TSGA13: variants seen among roughly 807,000 people sequenced by gnomAD.
TSGA13 encodes the protein testis specific 13, also known as testis-specific gene 13 protein.
TSGA13 carries 37 observed loss-of-function variants against 35.1 expected under a neutral mutation model. That is an observed-to-expected ratio of 1.05 (90% CI 0.81 to 1.39). The LOEUF is 1.39. Among genes scored for constraint, TSGA13 ranks in the 40% most tolerant of loss-of-function variants. The pLI is 0.00. For missense variants in TSGA13, 338 were observed against 328.5 expected (o/e 1.03, Z -0.22); for synonymous variants, 124 against 121.2 (o/e 1.02, Z -0.15).
In TSGA13 at chr7:130,680,992, T is replaced by G. The variant is rs535861439; in HGVS notation, c.128A>C (p.Lys43Thr). Reference sequence around the variant, plus strand: ...ATGCCGAAGGTTCTCTAGAACAAATTTTGATTGCCCGACTGCATCAGAAAT... The same window carrying G: ...ATGCCGAAGGTTCTCTAGAACAAATGTTGATTGCCCGACTGCATCAGAAAT... The part of the protein sequence containing the change: ...KEISDAVGQS[K>T]FVLENLRHYT... Residue 43 changes from lysine to threonine, a missense_variant, in exon 4 of 8, where the codon AAA (lysine) becomes ACA (threonine). Transcript: ENST00000356588. 8 of 1,614,188 alleles carry G rather than the reference T, an allele frequency of 5.0e-6. No homozygotes were observed. The African/African-American group carries it at 1.1e-4, about 22-fold the overall frequency.
Position 130,668,864 on chromosome 7 carries a change from CG to C in TSGA13, c.*149del. ...GCAGCCACGCCCCCTTCTCCTCTTG[CG>C]GCCCGCCGGAGACTTCGGCTCGACC... is the stretch of plus-strand genomic sequence containing the variant. On this transcript the variant is annotated 3_prime_UTR_variant, in exon 8 of 8. Coordinates refer to ENST00000356588, the MANE Select transcript of TSGA13 (RefSeq NM_052933.4). 1 of 1,361,526 alleles carries C rather than the reference CG, an allele frequency of 7.3e-7. No individual in the cohort carries two copies. The highest frequency in any genetic ancestry group is 1.5e-5 in the African/African-American group (1 of 66,814). The allele number at this position is 1,361,526 out of a possible 1,614,324, so 84.3% of individuals were successfully genotyped here. A position where few individuals can be genotyped will look rare whatever the true frequency, so the allele number is the denominator to read the frequency against.
At chr7:130,678,241 T>C (rs1213554184) in intron 5 of TSGA13, among the ~76,000 whole-genome samples, 1 of 152,088 alleles carries the variant, frequency 6.6e-6, no homozygotes, top group Non-Finnish European at 1.5e-5. Context: ...TAGCTGGGCG[T>C]GGTGGTGGGC....
chr7:130,674,134 G>T (rs868959962), intron 5 of TSGA13, among the ~76,000 whole-genome samples: 3 of 149,568 alleles, frequency 2.0e-5, no homozygotes, highest in African/African-American at 7.3e-5. Flanking sequence ...TCAATTCTGA[G>T]AGCCTTCTTC....
At chr7:130,679,403 G>A (rs1554464738) in intron 4 of TSGA13, 36 bp from the exon 5 acceptor site, 2 of 1,554,406 alleles carry the variant, frequency 1.3e-6, no homozygotes, top group Admixed American at 1.9e-5. Flanking sequence ...GAGAAAAAGA[G>A]ATTAGGCCAA....
rs781887243 is a variant in TSGA13 at position 130,671,792 on chromosome 7, A to G, written c.531-4T>C. ...GAAATCATTGTCAGTGGAAAACCTTAACAAAGAAAGTTCTTTGTTTAGTAG... is the reference window on the plus strand; with the variant it reads ...GAAATCATTGTCAGTGGAAAACCTTGACAAAGAAAGTTCTTTGTTTAGTAG... On this transcript the variant is annotated splice_region_variant and splice_polypyrimidine_tract_variant and intron_variant, in intron 6 of 7. Transcript: ENST00000356588. 1 of 1,574,064 alleles carries G rather than the reference A, an allele frequency of 6.4e-7. No individual in the cohort carries two copies. Among genetic ancestry groups the G allele is most frequent in the South Asian group, 1.2e-5 (1 of 85,370 alleles).
chr7:130,676,800 CTTTG>C (rs557510962), intron 5 of TSGA13, among the ~76,000 whole-genome samples: 97 of 152,258 alleles, frequency 6.4e-4, no homozygotes, highest in Admixed American at 3.7e-3. Flanking sequence ...TACTAGAATC[CTTTG>C]TTTGCACTTT....
rs782027840 is a variant in TSGA13, at chr7:130,671,711, T to C, written c.608A>G (p.Tyr203Cys). 2.5e-6 allele frequency: 4 copies of C among 1,610,660 alleles called. No individual in the cohort carries two copies. In the African/African-American group the frequency reaches 5.3e-5, roughly 22 times the overall value. The change falls in exon 7 of 8, where the codon TAC becomes TGC. Residue 203 changes from tyrosine (Y) to cysteine (C), a missense_variant. By Grantham distance (194) the Tyr-to-Cys change is radical. Transcript: ENST00000356588. ...VYALRTQKKM[Y>C]PQLTFAPVHE... Reference sequence around the variant, plus strand: ...GACTGGAGCAAAGGTGAGCTGAGGGTACATTTTCTTCTGTGTCCTCAAAGC... The same window carrying C: ...GACTGGAGCAAAGGTGAGCTGAGGGCACATTTTCTTCTGTGTCCTCAAAGC...
Position 130,683,012 on chromosome 7 carries a change from G to A in TSGA13, c.102+582C>T, listed in dbSNP as rs782685980. The stretch of plus-strand genomic sequence containing the variant: ...TAGGAAAAACTTATTTGGGAGAAAG[G>A]TATGAAGACCTTTTCTCTTACAGGT... On this transcript the variant is annotated intron_variant, in intron 3 of 7. Coordinates refer to ENST00000356588, the MANE Select transcript of TSGA13 (RefSeq NM_052933.4). 2.0e-4 allele frequency among the ~76,000 whole-genome samples: 31 copies of A among 152,258 alleles called. No homozygotes were observed. In the Middle Eastern group the frequency reaches 0.01, roughly 50 times the overall value.
At chr7:130,681,987 T>C (rs1317821824) in intron 3 of TSGA13, among the ~76,000 whole-genome samples, 2 of 152,042 alleles carry the variant, frequency 1.3e-5, no homozygotes, top group Non-Finnish European at 2.9e-5. Flanking sequence ...TCCCCCAGGC[T>C]GGAGGGCATT....
At chr7:130,680,818 G>T in intron 4 of TSGA13, 128 bp downstream of exon 4, 1 of 847,750 alleles carries the variant, frequency 1.2e-6, no homozygotes, top group Non-Finnish European at 1.9e-6. Flanking sequence ...CTGCCTGCCT[G>T]TCCTAAGAGT....
chr7:130,687,203 C>T (rs1352110445), upstream of TSGA13: 1 of 152,206 alleles, frequency 6.6e-6, no homozygotes, highest in Non-Finnish European at 1.5e-5. Flanking sequence ...TATGTTACTA[C>T]TCAGGTCATT....
chr7:130,683,456 C>A, intron 3 of TSGA13, 138 bp downstream of exon 3: 2 of 678,358 alleles, frequency 2.9e-6, no homozygotes, highest in Non-Finnish European at 2.4e-6. Context: ...TAACATTTGA[C>A]AAGTTAACCT....
chr7:130,679,255 A>T lies in TSGA13; in HGVS notation c.287T>A (p.Leu96Ter). 6.2e-7 allele frequency: 1 copy of T among 1,614,164 alleles called. No homozygotes were observed. Among genetic ancestry groups the T allele is most frequent in the Non-Finnish European group, 8.5e-7 (1 of 1,180,030 alleles). Reference sequence around the variant, plus strand: ...AGGTGGGTTGTTGGTCATAATCAGTAACGTCTTATCCTGGTCATACTGTGT... The same window carrying T: ...AGGTGGGTTGTTGGTCATAATCAGTTACGTCTTATCCTGGTCATACTGTGT... ...KVTQYDQDKT[L>*]LIMTNNPPPC... The change falls in exon 5 of 8, where the codon TTA becomes TAA. Residue 96 changes from leucine (L) to a stop codon, truncating the protein, a stop_gained. Transcript: ENST00000356588. LOFTEE classifies it high-confidence loss of function.
intron 7 of TSGA13, among the ~76,000 whole-genome samples, 189 bp from the exon 8 acceptor site, chr7:130,669,372 C>T (rs1296003074): frequency 5.3e-5 from 8 of 152,148 alleles, no homozygotes; most frequent in Admixed American, 5.2e-4. Flanking sequence ...TCATCAAAAC[C>T]CAGTGGAAAA....
At position 130,668,815 on chromosome 7, in the gene TSGA13, C is replaced by T. The variant is rs978297074; in HGVS notation, c.*199G>A. On this transcript the variant is annotated 3_prime_UTR_variant, in exon 8 of 8. Coordinates refer to ENST00000356588, the MANE Select transcript of TSGA13 (RefSeq NM_052933.4). ...CACTCGGGGCCAAGGCCCGCCCTCCCCGGCCGCCCTCGGCCCCCGGGACGC... is the reference window on the plus strand; with the variant it reads ...CACTCGGGGCCAAGGCCCGCCCTCCTCGGCCGCCCTCGGCCCCCGGGACGC... The T allele has an allele frequency of 7.8e-7, 1 of 1,276,774 alleles. No homozygotes were observed. The highest frequency in any genetic ancestry group is 1.0e-6 in the Non-Finnish European group (1 of 954,326). The allele number at this position is 1,276,774 out of a possible 1,614,324, so 79.1% of individuals were successfully genotyped here.
chr7:130,681,021 A>C lies in TSGA13; in HGVS notation c.103-4T>G. On this transcript the variant is annotated splice_region_variant and splice_polypyrimidine_tract_variant and intron_variant, in intron 3 of 7. Coordinates refer to ENST00000356588, the MANE Select transcript of TSGA13 (RefSeq NM_052933.4). ...ATTGCCCGACTGCATCAGAAATCTA[A>C]AGAGGATAATCAAAGTTAGTGGTTT... is the stretch of plus-strand genomic sequence containing the variant. 6.2e-7 allele frequency: 1 copy of C among 1,614,116 alleles called. No individual in the cohort carries two copies. Among genetic ancestry groups the C allele is most frequent in the Non-Finnish European group, 8.5e-7 (1 of 1,179,940 alleles).
chr7:130,674,420 C>T (rs560171710), intron 5 of TSGA13, among the ~76,000 whole-genome samples: 3 of 152,268 alleles, frequency 2.0e-5, no homozygotes, highest in South Asian at 2.1e-4. Flanking sequence ...ATCCACCTGC[C>T]TTGGCCTCCC....
intron 4 of TSGA13, among the ~76,000 whole-genome samples, chr7:130,680,067 A>G (rs1554464833): frequency 6.6e-6 from 1 of 152,212 alleles, no homozygotes; most frequent in African/African-American, 2.4e-5. Flanking sequence ...CCAGGGACCA[A>G]ATCTCGCTTA....
chr7:130,672,792 G>C lies in TSGA13; in HGVS notation c.472C>G (p.Pro158Ala), dbSNP rs1554463433. ...QKKKLRSKLK[P>A]IFPLILSDDP... is the part of the protein sequence containing the mutation. ...TCCGACAGTATCAAAGGGAAGATTG[G>C]TTTCAGCTTAGATCTTAACTTTTTT... is the stretch of plus-strand genomic sequence containing the variant. The change falls in exon 6 of 8, where the codon CCA (proline) becomes GCA (alanine). Residue 158 changes from proline to alanine, a missense_variant. Coordinates refer to ENST00000356588, the MANE Select transcript of TSGA13 (RefSeq NM_052933.4). 4.3e-6 allele frequency: 7 copies of C among 1,614,028 alleles called. No individual in the cohort carries two copies. The highest frequency in any genetic ancestry group is 2.2e-5 in the East Asian group (1 of 44,872).
Sources: gnomAD v4.1 joint callset for allele counts (sites outside exome capture counted in the v4.1 genomes callset) on GRCh38, gnomAD v4.1.1 for gene constraint, MANE v1.5 for transcripts, NCBI Gene and HGNC (gene_info 2026-07-23, HGNC 2026-07-21) for gene names.